Variants in ANGPT1 observed in about 807,000 individuals in gnomAD.
ANGPT1 encodes the protein angiopoietin-1.
Under a neutral mutation model 62.2 loss-of-function variants are expected in ANGPT1, and 17 were observed. That is an observed-to-expected ratio of 0.27 (90% CI 0.19 to 0.41). The LOEUF is 0.41. Among genes scored for constraint, ANGPT1 ranks in the 10% least tolerant of loss-of-function variants. ANGPT1 has a pLI of 1.00. For synonymous variants in ANGPT1, 199 were observed against 198.9 expected (o/e 1.00, Z 0.00); for missense variants, 478 against 594.9 (o/e 0.80, Z 2.04).
chr8:107,428,614 G>C (rs1811096557), intron 1 of ANGPT1, among the ~76,000 whole-genome samples: 1 of 150,980 alleles, frequency 6.6e-6, no homozygotes, highest in Admixed American at 6.6e-5. Flanking sequence ...TTGTAGTAGT[G>C]CTGGTAGTTT....
intron 1 of ANGPT1, among the ~76,000 whole-genome samples, chr8:107,426,360 G>A (rs1811042392): frequency 6.6e-6 from 1 of 152,206 alleles, no homozygotes; most frequent in Non-Finnish European, 1.5e-5. Flanking sequence ...TGATTAATCA[G>A]CATTCTAAAA....
intron 4 of ANGPT1, among the ~76,000 whole-genome samples, chr8:107,321,567 T>C (rs937236069): frequency 6.6e-6 from 1 of 152,168 alleles, no homozygotes; most frequent in African/African-American, 2.4e-5. Flanking sequence ...CTCTGTCCTA[T>C]ATATAGTTAA....
intron 1 of ANGPT1, among the ~76,000 whole-genome samples, chr8:107,471,296 A>C (rs35230813): frequency 6.6e-6 from 1 of 151,988 alleles, no homozygotes; most frequent in Non-Finnish European, 1.5e-5. Flanking sequence ...GTGCAAACTA[A>C]CACAGAAGCA....
At chr8:107,288,102 A>C (rs550781956) in intron 6 of ANGPT1, among the ~76,000 whole-genome samples, 26 of 152,292 alleles carry the variant, frequency 1.7e-4, no homozygotes, top group East Asian at 7.7e-4. Context: ...AAAATTAATA[A>C]AGGGATACTG....
chr8:107,286,571 T>A (rs1368390800), intron 6 of ANGPT1, among the ~76,000 whole-genome samples: 2 of 152,130 alleles, frequency 1.3e-5, no homozygotes. Context: ...TTAATGGGTA[T>A]GTGATGTATA....
intron 3 of ANGPT1, among the ~76,000 whole-genome samples, chr8:107,323,856 T>C (rs549039529): frequency 2.6e-5 from 4 of 152,242 alleles, no homozygotes. Flanking sequence ...CTCTACTCAC[T>C]GCAAGTTCCG....
chr8:107,366,159 CTAAA>C (rs944875735), intron 1 of ANGPT1, among the ~76,000 whole-genome samples: 3 of 152,152 alleles, frequency 2.0e-5, no homozygotes, highest in African/African-American at 7.2e-5. Context: ...CAGTAATGTG[CTAAA>C]TAGTTTGCTC....
intron 7 of ANGPT1, 62 bp from the exon 8 acceptor site, chr8:107,264,413 AC>A (rs1385698062): frequency 1.3e-6 from 2 of 1,560,682 alleles, no homozygotes; most frequent in Non-Finnish European, 8.7e-7. Context: ...AACCCAGAAG[AC>A]CAGCTTGTTG....
chr8:107,305,207 G>C (rs184137293), intron 4 of ANGPT1, among the ~76,000 whole-genome samples: 82 of 152,028 alleles, frequency 5.4e-4, no homozygotes, highest in African/African-American at 1.9e-3. Context: ...GAGATGTGAA[G>C]AAATACCAAC....
At chr8:107,417,603 C>T (rs1252431639) in intron 1 of ANGPT1, among the ~76,000 whole-genome samples, 1 of 152,038 alleles carries the variant, frequency 6.6e-6, no homozygotes, top group Admixed American at 6.6e-5. Flanking sequence ...TTAAATGTTA[C>T]CTTTCCCCCA....
At chr8:107,448,643 T>C (rs372710762) in intron 1 of ANGPT1, among the ~76,000 whole-genome samples, 21 of 152,248 alleles carry the variant, frequency 1.4e-4, no homozygotes, top group South Asian at 8.3e-4. Context: ...AAGTGACCTT[T>C]GTCATTTGGG....
chr8:107,364,306 C>A (rs879272980), intron 1 of ANGPT1, among the ~76,000 whole-genome samples: 6 of 152,038 alleles, frequency 3.9e-5, no homozygotes, highest in Non-Finnish European at 8.8e-5. Context: ...TTTGAGACAG[C>A]GCCTCACTCT....
intron 4 of ANGPT1, among the ~76,000 whole-genome samples, chr8:107,320,341 T>C (rs1815121470): frequency 6.6e-6 from 1 of 152,164 alleles, no homozygotes; most frequent in South Asian, 2.1e-4. Context: ...CGCAGACATA[T>C]GAGCTCTGTG....
At chr8:107,478,291 G>A (rs752451953) in intron 1 of ANGPT1, among the ~76,000 whole-genome samples, 3 of 150,628 alleles carry the variant, frequency 2.0e-5, no homozygotes, top group Non-Finnish European at 4.4e-5. Context: ...GCTCATGCCT[G>A]TAATCCCAGC....
At chr8:107,267,353 G>A (rs1324774757) in intron 7 of ANGPT1, among the ~76,000 whole-genome samples, 1 of 152,014 alleles carries the variant, frequency 6.6e-6, no homozygotes, top group African/African-American at 2.4e-5. Flanking sequence ...CTGCCTTCAG[G>A]TATCTCTCTA....
intron 1 of ANGPT1, among the ~76,000 whole-genome samples, chr8:107,402,717 C>T (rs943806934): frequency 9.9e-5 from 15 of 152,202 alleles, no homozygotes; most frequent in African/African-American, 3.6e-4. Flanking sequence ...GCATATACCT[C>T]TTTAGTCCAT....
chr8:107,430,937 T>C (rs143873339), intron 1 of ANGPT1, among the ~76,000 whole-genome samples: 267 of 152,348 alleles, frequency 1.8e-3, no homozygotes, highest in African/African-American at 6.3e-3. Flanking sequence ...GTATCACATA[T>C]TCTTAGAAAA....
intron 1 of ANGPT1, among the ~76,000 whole-genome samples, chr8:107,355,639 G>T (rs1389539990): frequency 6.9e-6 from 1 of 144,384 alleles, no homozygotes; most frequent in Non-Finnish European, 1.5e-5. Flanking sequence ...ATATGACTTT[G>T]CTCCAACTGG....
At chr8:107,395,246 C>T (rs974384778) in intron 1 of ANGPT1, among the ~76,000 whole-genome samples, 28 of 152,070 alleles carry the variant, frequency 1.8e-4, no homozygotes, top group African/African-American at 6.8e-4. Flanking sequence ...ACTCCATGAC[C>T]TCTATGATTT....
Sources: allele counts gnomAD v4.1 joint callset (sites outside exome capture counted in the v4.1 genomes callset), GRCh38; gene constraint gnomAD v4.1.1; transcripts MANE v1.5; gene names NCBI Gene and HGNC (gene_info 2026-07-23, HGNC 2026-07-21).